The following NDUFAF2 variants were observed in gnomAD, a reference collection of about 807,000 sequenced individuals.
NDUFAF2 encodes NADH:ubiquinone oxidoreductase complex assembly factor 2, also known as NADH dehydrogenase [ubiquinone] 1 alpha subcomplex assembly factor 2.
Under a neutral mutation model 22.8 loss-of-function variants are expected in NDUFAF2, and 13 were observed. The observed-to-expected ratio is 0.57, with a 90% CI of 0.37 to 0.91. The LOEUF (loss-of-function observed/expected upper bound fraction) is 0.91, where lower values mean the gene tolerates loss of function less well. NDUFAF2 is among the 40% of genes least tolerant of loss of function. The probability of loss-of-function intolerance (pLI) is 0.01; values close to 1 mark genes in which losing one functional copy is unlikely to be tolerated. For synonymous variants in NDUFAF2, 53 were observed against 64.2 expected (o/e 0.83, Z 0.84); for missense variants, 162 against 195.2 (o/e 0.83, Z 1.01).
intron 1 of NDUFAF2, among the ~76,000 whole-genome samples, chr5:61,036,696 G>A (rs939888707): frequency 6.6e-6 from 1 of 152,176 alleles, no homozygotes; most frequent in Admixed American, 6.5e-5. Context: ...CATTTCCAGT[G>A]CTGAAACAGT....
intron 1 of NDUFAF2, among the ~76,000 whole-genome samples, chr5:61,044,486 C>T (rs1751922352): frequency 1.3e-5 from 2 of 152,108 alleles, no homozygotes; most frequent in South Asian, 4.1e-4. Flanking sequence ...TTAGGTCTTA[C>T]ATTTAAGTCT....
intron 1 of NDUFAF2, among the ~76,000 whole-genome samples, chr5:61,038,022 A>G (rs1751820733): frequency 7.9e-6 from 1 of 126,464 alleles, no homozygotes; most frequent in South Asian, 3.0e-4. Context: ...GGTTGATTGA[A>G]TATGGGTGAT....
chr5:60,963,233 C>G (rs1041161898), intron 1 of NDUFAF2, among the ~76,000 whole-genome samples: 2 of 152,170 alleles, frequency 1.3e-5, no homozygotes, highest in African/African-American at 4.8e-5. Flanking sequence ...GAGTAGATAT[C>G]TAAATGTCCC....
Position 61,088,898 on chromosome 5 carries a change from T to G in NDUFAF2, c.218-10094T>G, listed in dbSNP as rs886067340. ...AAGTAAGCACATATTTCTAATGCAA[T>G]ATCTTTTGGATGCAGACTATTGATA... On this transcript the variant is annotated intron_variant, in intron 2 of 3. Coordinates refer to ENST00000296597, the MANE Select transcript of NDUFAF2 (RefSeq NM_174889.5). 5.3e-5 allele frequency among the ~76,000 whole-genome samples: 8 copies of G among 152,124 alleles called. No individual in the cohort carries two copies. In the South Asian group the frequency reaches 1.7e-3, roughly 31 times the overall value.
chr5:60,970,096 T>C (rs12652369), intron 1 of NDUFAF2, among the ~76,000 whole-genome samples: 3 of 151,898 alleles, frequency 2.0e-5, no homozygotes, highest in Admixed American at 1.3e-4. Flanking sequence ...TCTGTTGTTA[T>C]GCCAGTACCA....
intron 1 of NDUFAF2, among the ~76,000 whole-genome samples, chr5:61,002,665 A>G (rs1751312126): frequency 6.6e-6 from 1 of 152,166 alleles, no homozygotes; most frequent in South Asian, 2.1e-4. Context: ...CAATGATGCC[A>G]ATATAATATA....
intron 1 of NDUFAF2, among the ~76,000 whole-genome samples, chr5:61,002,942 C>G (rs147638567): frequency 3.9e-5 from 6 of 152,190 alleles, no homozygotes; most frequent in African/African-American, 1.4e-4. Flanking sequence ...TGAGATTTAA[C>G]AAGAGAGGAT....
At chr5:61,098,435 C>G (rs548478818) in intron 2 of NDUFAF2, among the ~76,000 whole-genome samples, 4 of 152,326 alleles carry the variant, frequency 2.6e-5, no homozygotes, top group African/African-American at 9.6e-5. Flanking sequence ...CAGGCCCCAG[C>G]AGCCACTTAA....
chr5:61,074,514 G>T (rs978677748), intron 2 of NDUFAF2, among the ~76,000 whole-genome samples: 2 of 152,238 alleles, frequency 1.3e-5, no homozygotes, highest in East Asian at 1.9e-4. Flanking sequence ...TTGAACCCGG[G>T]GGGCAGAGGT....
At chr5:61,003,570 A>G (rs1751326397) in intron 1 of NDUFAF2, among the ~76,000 whole-genome samples, 1 of 151,716 alleles carries the variant, frequency 6.6e-6, no homozygotes, top group Admixed American at 6.6e-5. Context: ...AAATAGCAAT[A>G]CACCAGAACT....
chr5:61,082,993 A>G (rs899691254), intron 2 of NDUFAF2, among the ~76,000 whole-genome samples: 3 of 152,182 alleles, frequency 2.0e-5, no homozygotes, highest in African/African-American at 7.2e-5. Flanking sequence ...AGTCCCACCA[A>G]CAGTGTATAA....
chr5:61,036,062 A>G (rs1347885681), intron 1 of NDUFAF2, among the ~76,000 whole-genome samples: 2 of 152,154 alleles, frequency 1.3e-5, no homozygotes, highest in Non-Finnish European at 2.9e-5. Context: ...TCACTTGGAA[A>G]AGTTTTCAGC....
chr5:61,147,433 C>CTTTTTTTTT (rs1561139813), intron 3 of NDUFAF2, among the ~76,000 whole-genome samples: 1 of 47,472 alleles, frequency 2.1e-5, no homozygotes, highest in Non-Finnish European at 4.6e-5. Context: ...ATTTTTTTTT[C>CTTTTTTTTT]TTTCTTTTTT....
rs527366210 is a variant in NDUFAF2 at position 61,152,734 on chromosome 5, G to T, written c.289G>T (p.Glu97Ter). ...EILKNEKHRE[E>*]IKIKSQDFYE... ...ACTAAAGAATGAAAAACACAGAGAA[G>T]AAATCAAAATAAAAAGCCAAGATTT... The change falls in exon 4 of 4, where the codon GAA becomes TAA. Residue 97 changes from glutamate to a stop codon, truncating the protein, a stop_gained. Transcript: ENST00000296597. LOFTEE classifies it high-confidence loss of function. The T allele has an allele frequency of 7.0e-6, 11 of 1,579,488 alleles. No homozygotes were observed. In the African/African-American group the frequency reaches 1.5e-4, roughly 22 times the overall value.
At chr5:60,953,333 A>G (rs1750572516) in intron 1 of NDUFAF2, among the ~76,000 whole-genome samples, 1 of 152,158 alleles carries the variant, frequency 6.6e-6, no homozygotes, top group African/African-American at 2.4e-5. Context: ...TAAAGTACCA[A>G]AAGAGAAAGT....
chr5:61,080,020 G>A (rs1752422412), intron 2 of NDUFAF2, among the ~76,000 whole-genome samples: 1 of 151,664 alleles, frequency 6.6e-6, no homozygotes, highest in Non-Finnish European at 1.5e-5. Context: ...TATGTAATTT[G>A]TCCTTGTTGC....
At chr5:60,961,797 T>C (rs994221194) in intron 1 of NDUFAF2, among the ~76,000 whole-genome samples, 1 of 151,404 alleles carries the variant, frequency 6.6e-6, no homozygotes, top group Non-Finnish European at 1.5e-5. Flanking sequence ...TACTATGTAA[T>C]TGCAACCTTA....
chr5:61,040,875 A>G (rs1445186383), intron 1 of NDUFAF2, among the ~76,000 whole-genome samples: 1 of 152,194 alleles, frequency 6.6e-6, no homozygotes, highest in Non-Finnish European at 1.5e-5. Flanking sequence ...AACTGTTGTT[A>G]TCATGTTTAT....
chr5:61,025,096 T>C (rs1244873389), intron 1 of NDUFAF2, among the ~76,000 whole-genome samples: 1 of 152,100 alleles, frequency 6.6e-6, no homozygotes, highest in South Asian at 2.1e-4. Flanking sequence ...CCTCCCATAA[T>C]GTGTCAGCTT....
Sources: gnomAD v4.1 joint callset for allele counts (sites outside exome capture counted in the v4.1 genomes callset) on GRCh38, gnomAD v4.1.1 for gene constraint, MANE v1.5 for transcripts, NCBI Gene and HGNC (gene_info 2026-07-23, HGNC 2026-07-21) for gene names.